CTDSPL2: variants seen among roughly 807,000 people sequenced by gnomAD.
CTDSPL2 encodes CTD small phosphatase like 2.
In CTDSPL2, 5 loss-of-function variants were observed where a neutral mutation model predicts 60.0. The observed-to-expected ratio is 0.08, with a 90% confidence interval of 0.04 to 0.18. CTDSPL2 has a LOEUF of 0.18. Ranked by LOEUF, CTDSPL2 falls within the 10% of genes least tolerant of loss-of-function variation. The pLI, the probability that CTDSPL2 is intolerant of heterozygous loss-of-function variation, is 1.00. For synonymous variants in CTDSPL2, 186 were observed against 189.3 expected, an observed-to-expected ratio of 0.98 and a Z score of 0.14; for missense variants, 370 against 548.8, an observed-to-expected ratio of 0.67 and a Z score of 3.26.
At chr15:44,427,826 C>T in intron 1 of CTDSPL2, 54 bp downstream of exon 1, 1 of 397,338 alleles carries the variant, frequency 2.5e-6, no homozygotes, top group Non-Finnish European at 4.4e-6. Flanking sequence ...TCCTCCTCCT[C>T]TTCCAGGGCC....
intron 1 of CTDSPL2, among the ~76,000 whole-genome samples, chr15:44,455,839 A>AT (rs35307134): frequency 0.061 from 2,889 of 47,588 alleles, 709 homozygotes; most frequent in Middle Eastern, 0.08. Flanking sequence ...TTTATTGAGG[A>AT]TTTTTTTTTT....
At chr15:44,502,708 A>G (rs1380099806) in intron 8 of CTDSPL2, among the ~76,000 whole-genome samples, 1 of 152,240 alleles carries the variant, frequency 6.6e-6, no homozygotes. Flanking sequence ...AAATTTACAT[A>G]TTCAAATTGT....
intron 7 of CTDSPL2, among the ~76,000 whole-genome samples, chr15:44,498,524 G>T (rs1043323806): frequency 2.0e-5 from 3 of 151,928 alleles, no homozygotes; most frequent in Non-Finnish European, 1.5e-5. Context: ...AGTTTGAGGC[G>T]GCAGTGAGCT....
In CTDSPL2 at chr15:44,497,082, C is replaced by T; in HGVS notation, c.826C>T (p.Pro276Ser). ...PLTEEQLNRK[P>S]ALPLKTRSTP... ...GACAGAAGAACAACTAAATAGGAAA[C>T]CTGCTCTTCCGTTGAAAACAAGAAG... Residue 276 changes from proline to serine, a missense_variant, in exon 7 of 13, where the codon CCT becomes TCT. Physicochemically the swap from Pro to Ser is moderately conservative, Grantham distance 74. Around this residue, in one of 6 missense-constraint regions of CTDSPL2, gnomAD observed 16 missense variants for 44.3 expected, o/e 0.36. Coordinates refer to ENST00000260327, the MANE Select transcript of CTDSPL2 (RefSeq NM_016396.3). 1 of 1,611,814 alleles carries T rather than the reference C, an allele frequency of 6.2e-7. No individual in the cohort carries two copies. The highest frequency in any genetic ancestry group is 8.5e-7 in the Non-Finnish European group (1 of 1,178,432).
chr15:44,503,165 CAT>C (rs998159961), intron 8 of CTDSPL2, among the ~76,000 whole-genome samples: 5 of 151,794 alleles, frequency 3.3e-5, no homozygotes, highest in African/African-American at 1.2e-4. Flanking sequence ...AAATGGCACT[CAT>C]ATAGGCAAAA....
intron 10 of CTDSPL2, chr15:44,516,838 T>A (rs562345109): frequency 7.9e-6 from 1 of 125,916 alleles, no homozygotes; most frequent in Admixed American, 8.3e-5. Flanking sequence ...AGCTTGTTTT[T>A]TTGTTTGTTT....
intron 12 of CTDSPL2, among the ~76,000 whole-genome samples, chr15:44,523,430 ACATACATACATACAT>A (rs2081820114): frequency 6.6e-6 from 1 of 151,750 alleles, no homozygotes; most frequent in Non-Finnish European, 1.5e-5. Flanking sequence ...ATACATACAT[ACATACATACATACAT>A]AAGCAAGCAA....
chr15:44,453,892 G>T (rs1355517097), intron 1 of CTDSPL2, among the ~76,000 whole-genome samples: 2 of 152,144 alleles, frequency 1.3e-5, no homozygotes, highest in Admixed American at 6.6e-5. Context: ...ACATACGTGT[G>T]CATGTGTCTT....
intron 3 of CTDSPL2, among the ~76,000 whole-genome samples, chr15:44,485,892 GTGT>G (rs1416309743): frequency 6.6e-6 from 1 of 152,162 alleles, no homozygotes; most frequent in African/African-American, 2.4e-5. Flanking sequence ...AAGGAAATAA[GTGT>G]TGTAGACATC....
chr15:44,496,565 G>A (rs1022192083), intron 6 of CTDSPL2, 107 bp downstream of exon 6: 19 of 822,764 alleles, frequency 2.3e-5, no homozygotes, highest in Admixed American at 4.8e-5. Flanking sequence ...TATGTGACCT[G>A]TAGGTATTTG....
rs60683533 is a variant in CTDSPL2, at chr15:44,495,506, G to A, written c.692-874G>A. Among the ~76,000 whole-genome samples the A allele has an allele frequency of 4.1e-3, 611 of 149,610 alleles. 15 individuals carry two copies. Among genetic ancestry groups the A allele is most frequent in the East Asian group, 0.039 (195 of 5,038 alleles). On this transcript the variant is annotated intron_variant, in intron 5 of 12. Transcript: ENST00000260327. ...AGAGCCTGCAGTGAGCCAAGATCAC[G>A]CCACTGCACTCCAGCCTGGGTGACA...
chr15:44,508,770 A>G (rs2081516410), intron 8 of CTDSPL2, among the ~76,000 whole-genome samples: 1 of 152,030 alleles, frequency 6.6e-6, no homozygotes, highest in Admixed American at 6.6e-5. Context: ...AAAATACAAA[A>G]AACTTAGGCA....
chr15:44,523,592 C>A (rs2081824976), intron 12 of CTDSPL2, among the ~76,000 whole-genome samples: 1 of 152,144 alleles, frequency 6.6e-6, no homozygotes, highest in Non-Finnish European at 1.5e-5. Flanking sequence ...GGTGAAAGAG[C>A]AAGACCCTGT....
chr15:44,454,650 G>T (rs1595712835), intron 1 of CTDSPL2, among the ~76,000 whole-genome samples: 1 of 152,162 alleles, frequency 6.6e-6, no homozygotes, highest in Non-Finnish European at 1.5e-5. Context: ...CATATGGCTA[G>T]CCAGTTTTCC....
chr15:44,441,196 C>A (rs1318773331), intron 1 of CTDSPL2, among the ~76,000 whole-genome samples: 2 of 152,166 alleles, frequency 1.3e-5, no homozygotes, highest in Non-Finnish European at 2.9e-5. Flanking sequence ...GGGTCCAACA[C>A]TGTTTCCTTC....
intron 3 of CTDSPL2, among the ~76,000 whole-genome samples, chr15:44,485,287 C>A (rs560853053): frequency 3.0e-4 from 46 of 152,278 alleles, no homozygotes; most frequent in African/African-American, 1.0e-3. Context: ...CAGAGAAACT[C>A]CTCAAAGTCA....
At chr15:44,488,610 C>G (rs1438806569) in intron 4 of CTDSPL2, among the ~76,000 whole-genome samples, 3 of 152,034 alleles carry the variant, frequency 2.0e-5, no homozygotes, top group African/African-American at 4.8e-5. Flanking sequence ...GTCAGGAGTT[C>G]AAGACCAGCC....
At chr15:44,497,931 A>C (rs1447121719) in intron 7 of CTDSPL2, among the ~76,000 whole-genome samples, 1 of 152,086 alleles carries the variant, frequency 6.6e-6, no homozygotes, top group East Asian at 1.9e-4. Context: ...CAGGAGACGG[A>C]GGTTGCAGTG....
intron 12 of CTDSPL2, among the ~76,000 whole-genome samples, chr15:44,522,518 C>G (rs561261366): frequency 1.3e-5 from 2 of 152,066 alleles, no homozygotes; most frequent in East Asian, 3.9e-4. Flanking sequence ...TTTGGGAGGC[C>G]GAGGCAGGCA....
Sources: gnomAD v4.1 joint callset for allele counts (sites outside exome capture counted in the v4.1 genomes callset) on GRCh38, gnomAD v4.1.1 for gene constraint, gnomAD v4.1.1 regional missense constraint, MANE v1.5 for transcripts, NCBI Gene and HGNC (gene_info 2026-07-23, HGNC 2026-07-21) for gene names.